ZSCAN10: variants seen among roughly 807,000 people sequenced by gnomAD.
The protein encoded by ZSCAN10 is zinc finger and SCAN domain containing 10, also known as zinc finger and SCAN domain-containing protein 10.
Under a neutral mutation model 63.7 loss-of-function variants are expected in ZSCAN10, and 52 were observed. The observed-to-expected ratio is 0.82, with a 90% CI of 0.65 to 1.03. ZSCAN10 has a LOEUF of 1.03. Ranked by LOEUF, ZSCAN10 falls within the 50% of genes least tolerant of loss-of-function variation. The pLI is 0.00. For missense variants in ZSCAN10, 1,223 were observed against 1,103.8 expected (o/e 1.11, Z -1.53); for synonymous variants, 544 against 479.6 (o/e 1.13, Z -1.76).
chr16:3,091,998 G>T (rs1360365841), intron 3 of ZSCAN10, 51 bp downstream of exon 3: 2 of 1,554,782 alleles, frequency 1.3e-6, no homozygotes, highest in Non-Finnish European at 1.7e-6. Flanking sequence ...CAGACATCCA[G>T]GCCCCTCCGC....
chr16:3,092,540 A>G lies in ZSCAN10; in HGVS notation c.396+2T>C. On this transcript the variant is annotated splice_donor_variant, in intron 2 of 5. Transcript: ENST00000576985. LOFTEE classifies it high-confidence loss of function. Reference sequence around the variant, plus strand: ...GCTCAGCCCGCTGCCCCACCCTCTCACCAGCGGCCCCGCGTGGCTGGGCTC... The same window carrying G: ...GCTCAGCCCGCTGCCCCACCCTCTCGCCAGCGGCCCCGCGTGGCTGGGCTC... 2 of 1,511,580 alleles carry G rather than the reference A, an allele frequency of 1.3e-6. No homozygotes were observed. Among genetic ancestry groups the G allele is most frequent in the Non-Finnish European group, 1.8e-6 (2 of 1,131,090 alleles). 93.6% of individuals were successfully genotyped at this position (1,511,580 alleles called of 1,614,324 possible). A position where few individuals can be genotyped will look rare whatever the true frequency, so the allele number is the denominator to read the frequency against.
Position 3,090,048 on chromosome 16 carries a change from G to A in ZSCAN10, c.1386C>T (p.Cys462=), listed in dbSNP as rs1336365232. The A allele has an allele frequency of 1.9e-6, 3 of 1,601,750 alleles. No individual in the cohort carries two copies. Among genetic ancestry groups the A allele is most frequent in the East Asian group, 2.2e-5 (1 of 44,602 alleles). Residue 462 remains cysteine, a synonymous_variant, in exon 6 of 6, where the codon TGC becomes TGT. Coordinates refer to ENST00000576985, the MANE Select transcript of ZSCAN10 (RefSeq NM_032805.3). ...GCGCTTCGGCCTTACTCTCAGGAGC[G>A]CAGGGCGGCTTCTGGTCCTGGGCGT... The part of the protein sequence containing the change: ...LAHAQDQKPP[C]APESKAEAPP...
chr16:3,090,820 C>A (rs561188326), intron 5 of ZSCAN10, among the ~76,000 whole-genome samples, 174 bp from the exon 6 acceptor site: 1 of 145,990 alleles, frequency 6.8e-6, no homozygotes, highest in Non-Finnish European at 1.5e-5. Flanking sequence ...GAGCCCGAGG[C>A]GGGCGGATCA....
In ZSCAN10 at chr16:3,092,922, C is replaced by T; in HGVS notation, c.16G>A (p.Val6Ile). 1 of 1,428,726 alleles carries T rather than the reference C, an allele frequency of 7.0e-7. No homozygotes were observed. 88.5% of individuals were successfully genotyped at this position (1,428,726 alleles called of 1,614,324 possible). The change falls in exon 2 of 6, where the codon GTC (valine) becomes ATC (isoleucine). Residue 6 changes from valine to isoleucine, a missense_variant. Val to Ile is a conservative substitution (Grantham distance 29). Transcript: ENST00000576985. MLGES[V>I]PAAVEQEQLG... is the part of the protein sequence containing the mutation. ...TGCTCCTGCTCCACGGCAGCTGGGA[C>T]TGATTCTCCAAGCATCCTTCACTGC...
In ZSCAN10 at chr16:3,089,238, G is replaced by A; in HGVS notation, c.2196C>T (p.Ser732=). The A allele has an allele frequency of 6.3e-7, 1 of 1,583,850 alleles. No individual in the cohort carries two copies. Among genetic ancestry groups the A allele is most frequent in the Non-Finnish European group, 8.5e-7 (1 of 1,171,994 alleles). Residue 732 remains serine (S), a synonymous_variant, in exon 6 of 6, where the codon AGC becomes AGT. Coordinates refer to ENST00000576985, the MANE Select transcript of ZSCAN10 (RefSeq NM_032805.3). The stretch of plus-strand genomic sequence containing the variant: ...GCAGCAGATTGCAGCTGCGGCTGAA[G>A]CTCTTCCCGCACTCCACGCACTCCT... ...PPQECVECGK[S]FSRSCNLLRH... is the part of the protein sequence containing the mutation.
rs1004460884 is a variant in ZSCAN10 at position 3,091,604 on chromosome 16, C to G, written c.730-7G>C. 1.9e-6 allele frequency: 3 copies of G among 1,614,088 alleles called. No individual in the cohort carries two copies. Among genetic ancestry groups the G allele is most frequent in the Non-Finnish European group, 2.5e-6 (3 of 1,180,046 alleles). On this transcript the variant is annotated splice_region_variant and splice_polypyrimidine_tract_variant and intron_variant, in intron 4 of 5. Coordinates refer to ENST00000576985, the MANE Select transcript of ZSCAN10 (RefSeq NM_032805.3). ...CCTCAAAGGTCAGGCACTCCTGTATCAAGAGCAGAAACCCTTGGTGAGTGA... is the reference window on the plus strand; with the variant it reads ...CCTCAAAGGTCAGGCACTCCTGTATGAAGAGCAGAAACCCTTGGTGAGTGA...
chr16:3,094,143 G>A (rs952084874), intron 1 of ZSCAN10, among the ~76,000 whole-genome samples: 1 of 152,124 alleles, frequency 6.6e-6, no homozygotes, highest in African/African-American at 2.4e-5. Context: ...CTCCCGAGTA[G>A]CTGGGACTAC....
Position 3,092,048 on chromosome 16 carries a change from C to A in ZSCAN10, c.664+1G>T. 1.9e-6 allele frequency: 3 copies of A among 1,557,164 alleles called. No individual in the cohort carries two copies. On this transcript the variant is annotated splice_donor_variant, in intron 3 of 5. Transcript: ENST00000576985. LOFTEE classifies it high-confidence loss of function. ...GGCCTCCTAGGGCACAAGCTCCTCA[C>A]TGCTTTCTTGCAGGGCCTGGAATGT...
At chr16:3,095,246 G>C (rs1957138521) in intron 1 of ZSCAN10, among the ~76,000 whole-genome samples, 1 of 152,062 alleles carries the variant, frequency 6.6e-6, no homozygotes, top group African/African-American at 2.4e-5. Flanking sequence ...GGCAGGGTGT[G>C]GTGGCTCACA....
At position 3,091,568 on chromosome 16, in the gene ZSCAN10, C is replaced by G. The variant is rs546208721; in HGVS notation, c.759G>C (p.Glu253Asp). The G allele has an allele frequency of 8.1e-6, 13 of 1,614,208 alleles. No homozygotes were observed. The South Asian group carries it at 1.3e-4, about 16-fold the overall frequency. The change falls in exon 5 of 6, where the codon GAG becomes GAC. Residue 253 changes from glutamate (E) to aspartate (D), a missense_variant. Physicochemically the swap from Glu to Asp is conservative, Grantham distance 45 (BLOSUM62 2). Transcript: ENST00000576985. ...GGGGGTGTGCAGGCCACGCCTTATT[C>G]TCTGGCACATCCTCAAAGGTCAGGC... The part of the protein sequence containing the change: ...LECLTFEDVP[E>D]NKAWPAHPLG...
chr16:3,092,376 G>T, intron 2 of ZSCAN10, 60 bp from the exon 3 acceptor site: 2 of 1,544,556 alleles, frequency 1.3e-6, no homozygotes, highest in Non-Finnish European at 8.7e-7. Context: ...TCCTGACTCC[G>T]AGGGGACATG....
Position 3,089,836 on chromosome 16 carries a change from C to T in ZSCAN10, c.1598G>A (p.Arg533His). The change falls in exon 6 of 6, where the codon CGC becomes CAC. Residue 533 changes from arginine (R) to histidine (H), a missense_variant. By Grantham distance (29) the Arg-to-His change is conservative (BLOSUM62 0). Transcript: ENST00000576985. ...VCSDCGKAFR[R>H]SEHLVAHRRV... ...CCGGTGGGCCACCAGGTGCTCGCTG[C>T]GCCGGAAGGCCTTGCCGCAGTCGCT... The T allele has an allele frequency of 6.4e-7, 1 of 1,556,072 alleles. No individual in the cohort carries two copies. The highest frequency in any genetic ancestry group is 1.2e-5 in the South Asian group (1 of 86,392).
At position 3,092,640 on chromosome 16, in the gene ZSCAN10, G is replaced by GGT; in HGVS notation, c.296_297dup (p.Leu100ThrfsTer109). 1 of 1,611,640 alleles carries GGT rather than the reference G, an allele frequency of 6.2e-7. No individual in the cohort carries two copies. The highest frequency in any genetic ancestry group is 2.2e-5 in the East Asian group (1 of 44,840). ...GGCTGCCCCTGCAGGCGGCCCAGGA[G>GGT]GTGCGGAGGCAGCACACTCAGGAAC... On this transcript the variant is annotated frameshift_variant, in exon 2 of 6. Coordinates refer to ENST00000576985, the MANE Select transcript of ZSCAN10 (RefSeq NM_032805.3). LOFTEE classifies it high-confidence loss of function.
At position 3,090,654 on chromosome 16, in the gene ZSCAN10, A is replaced by G. The variant is rs749256773; in HGVS notation, c.788-8T>C. On this transcript the variant is annotated splice_region_variant and splice_polypyrimidine_tract_variant and intron_variant, in intron 5 of 5. Coordinates refer to ENST00000576985, the MANE Select transcript of ZSCAN10 (RefSeq NM_032805.3). The stretch of plus-strand genomic sequence containing the variant: ...GGGTTCTGCTTCCGAATCCTGGGAA[A>G]CAAGACAAAACAGGGACGGTCAGGC... 2.0e-6 allele frequency: 3 copies of G among 1,523,418 alleles called. No individual in the cohort carries two copies. In the South Asian group the frequency reaches 3.8e-5, roughly 19 times the overall value. 94.4% of individuals were successfully genotyped at this position (1,523,418 alleles called of 1,614,324 possible).
At chr16:3,094,378 T>C (rs577678663) in intron 1 of ZSCAN10, among the ~76,000 whole-genome samples, 1 of 152,316 alleles carries the variant, frequency 6.6e-6, no homozygotes, top group South Asian at 2.1e-4. Flanking sequence ...GGAGTTTCAC[T>C]CTTGTTGCCC....
rs1275838654 is a variant in ZSCAN10, at chr16:3,089,376, G to A, written c.2058C>T (p.Gly686=). The A allele has an allele frequency of 6.2e-7, 1 of 1,602,144 alleles. No individual in the cohort carries two copies. The highest frequency in any genetic ancestry group is 8.5e-7 in the Non-Finnish European group (1 of 1,178,434). ...ACGTCTGACAGCTGTAGGGCCGCTC[G>A]CCCGTGTGGCTGCGGCGATGGCGGG... ...NLARHRRSHT[G]ERPYSCQTCG... The change falls in exon 6 of 6, where the codon GGC becomes GGT. Residue 686 remains glycine (G), a synonymous_variant. Coordinates refer to ENST00000576985, the MANE Select transcript of ZSCAN10 (RefSeq NM_032805.3).
intron 1 of ZSCAN10, among the ~76,000 whole-genome samples, chr16:3,095,926 G>A (rs1358093331): frequency 1.3e-5 from 2 of 152,124 alleles, no homozygotes; most frequent in Non-Finnish European, 2.9e-5. Context: ...ATCCCAGGAG[G>A]TTGAGGCTGC....
At position 3,090,566 on chromosome 16, in the gene ZSCAN10, C is replaced by G. The variant is rs569999395; in HGVS notation, c.868G>C (p.Ala290Pro). ...KGAAWPTPIL[A>P]ESQADSPGVP... The stretch of plus-strand genomic sequence containing the variant: ...CCAGGACTATCTGCCTGGGACTCTG[C>G]TAAGATGGGAGTGGGCCAGGCAGCC... The change falls in exon 6 of 6, where the codon GCA (alanine) becomes CCA (proline). Residue 290 changes from alanine (A) to proline (P), a missense_variant. Physicochemically the swap from Ala to Pro is conservative, Grantham distance 27 (BLOSUM62 -1). Coordinates refer to ENST00000576985, the MANE Select transcript of ZSCAN10 (RefSeq NM_032805.3). 5 of 1,597,016 alleles carry G rather than the reference C, an allele frequency of 3.1e-6. No homozygotes were observed. The East Asian group carries it at 9.0e-5, about 29-fold the overall frequency.
At position 3,092,076 on chromosome 16, in the gene ZSCAN10, T is replaced by C; in HGVS notation, c.637A>G (p.Lys213Glu). ...SKQPLSPGPQ[K>E]TFQALQESSP... Reference sequence around the variant, plus strand: ...CTTTCTTGCAGGGCCTGGAATGTCTTCTGGGGCCCCGGGCTCAGCGGCTGC... The same window carrying C: ...CTTTCTTGCAGGGCCTGGAATGTCTCCTGGGGCCCCGGGCTCAGCGGCTGC... The change falls in exon 3 of 6, where the codon AAG becomes GAG. Residue 213 changes from lysine (K) to glutamate (E), a missense_variant. Transcript: ENST00000576985. 6.3e-7 allele frequency: 1 copy of C among 1,581,784 alleles called. No individual in the cohort carries two copies. Among genetic ancestry groups the C allele is most frequent in the Non-Finnish European group, 8.6e-7 (1 of 1,163,068 alleles).
Sources: allele counts gnomAD v4.1 joint callset (sites outside exome capture counted in the v4.1 genomes callset), GRCh38; gene constraint gnomAD v4.1.1; transcripts MANE v1.5; gene names NCBI Gene and HGNC (gene_info 2026-07-23, HGNC 2026-07-21).